The following SOX5 variants were observed in gnomAD, a reference collection of about 807,000 sequenced individuals.
SOX5 encodes the protein transcription factor SOX-5.
In SOX5, 9 loss-of-function variants were observed where a neutral mutation model predicts 92.0. The observed-to-expected ratio is 0.10, with a 90% CI of 0.06 to 0.17. The LOEUF (loss-of-function observed/expected upper bound fraction) is 0.17. Ranked by LOEUF, SOX5 falls within the 10% of genes least tolerant of loss-of-function variation. The pLI, the probability that SOX5 is intolerant of heterozygous loss-of-function variation, is 1.00. For missense variants in SOX5, 642 were observed against 944.5 expected (o/e 0.68, Z 4.20); for synonymous variants, 344 against 336.3 (o/e 1.02, Z -0.25).
intron 4 of SOX5, among the ~76,000 whole-genome samples, chr12:24,063,862 C>T (rs1284697969): frequency 6.6e-6 from 1 of 152,186 alleles, no homozygotes; most frequent in African/African-American, 2.4e-5. Flanking sequence ...CCTCTGTTTT[C>T]ATCTGTAATG....
chr12:24,504,223 T>C (rs1057305455), intron 1 of SOX5, among the ~76,000 whole-genome samples: 1 of 152,180 alleles, frequency 6.6e-6, no homozygotes, highest in African/African-American at 2.4e-5. Flanking sequence ...GTCCTTAAAA[T>C]AGGAATTTAT....
chr12:23,583,443 G>A (rs1223519132), intron 9 of SOX5, among the ~76,000 whole-genome samples: 4 of 152,042 alleles, frequency 2.6e-5, no homozygotes, highest in Admixed American at 1.3e-4. Context: ...AGGAATACTC[G>A]TGTCAACAAT....
At chr12:24,312,345 A>G (rs1423781369) in intron 2 of SOX5, among the ~76,000 whole-genome samples, 1 of 152,242 alleles carries the variant, frequency 6.6e-6, no homozygotes, top group African/African-American at 2.4e-5. Context: ...CAGGTCCTAA[A>G]TAATCCGATT....
rs565594104 is a variant in SOX5 at position 24,252,568 on chromosome 12, C to T, written c.-77+24648G>A. ...CATCTATTTGCATTTAATTTGATGT[C>T]ATGAAAGCTTCGGGCATCTAAAAAT... On this transcript the variant is annotated intron_variant, in intron 3 of 4. Coordinates refer to the SOX5 transcript ENST00000446891. Among the ~76,000 whole-genome samples, 3 of 151,806 alleles carry T rather than the reference C, an allele frequency of 2.0e-5. No homozygotes were observed. The South Asian group carries it at 6.2e-4, about 32-fold the overall frequency.
At chr12:23,619,238 A>C (rs946862321) in intron 8 of SOX5, among the ~76,000 whole-genome samples, 16 of 152,180 alleles carry the variant, frequency 1.1e-4, no homozygotes, top group African/African-American at 3.9e-4. Context: ...TGCTAAATAA[A>C]ACTACATTTC....
At chr12:24,073,347 C>T (rs372121667) in intron 4 of SOX5, among the ~76,000 whole-genome samples, 1 of 152,254 alleles carries the variant, frequency 6.6e-6, no homozygotes, top group African/African-American at 2.4e-5. Flanking sequence ...AACATAAAAA[C>T]CGACACATGC....
At chr12:24,392,595 C>G (rs903453460) in intron 1 of SOX5, among the ~76,000 whole-genome samples, 10 of 152,142 alleles carry the variant, frequency 6.6e-5, no homozygotes, top group South Asian at 2.1e-4. Flanking sequence ...ATCAGTACCC[C>G]CAACCCTACC....
chr12:24,526,089 TC>T (rs1428650640), intron 1 of SOX5, among the ~76,000 whole-genome samples: 1 of 152,078 alleles, frequency 6.6e-6, no homozygotes, highest in African/African-American at 2.4e-5. Flanking sequence ...CAGGCCGGTC[TC>T]ATACTCCTCG....
chr12:24,416,856 CT>C (rs1596434712), intron 1 of SOX5, among the ~76,000 whole-genome samples: 4 of 152,294 alleles, frequency 2.6e-5, no homozygotes, highest in Admixed American at 6.5e-5. Flanking sequence ...CAGGTCTGAT[CT>C]GTCAATTTGA....
chr12:23,560,730 G>A (rs1022743700), intron 11 of SOX5, among the ~76,000 whole-genome samples: 30 of 152,282 alleles, frequency 2.0e-4, no homozygotes, highest in Admixed American at 3.3e-4. Flanking sequence ...AAAGATGTAA[G>A]TGTGACATTA....
chr12:24,180,360 T>C (rs1052661100), intron 4 of SOX5, among the ~76,000 whole-genome samples: 3 of 152,222 alleles, frequency 2.0e-5, no homozygotes, highest in Non-Finnish European at 4.4e-5. Flanking sequence ...TTTCTAGTTA[T>C]CTTGGTAATT....
chr12:24,554,628 A>C (rs546141655), intron 1 of SOX5, among the ~76,000 whole-genome samples: 1 of 152,244 alleles, frequency 6.6e-6, no homozygotes, highest in South Asian at 2.1e-4. Flanking sequence ...CCACCTAAAA[A>C]TCTGGGTCAA....
At chr12:24,282,596 C>A (rs1271588317) in intron 2 of SOX5, among the ~76,000 whole-genome samples, 1 of 151,246 alleles carries the variant, frequency 6.6e-6, no homozygotes, top group Non-Finnish European at 1.5e-5. Flanking sequence ...AAAGCTGATT[C>A]TTTTAAATCA....
At chr12:23,837,315 A>T (rs940801557) in intron 3 of SOX5, among the ~76,000 whole-genome samples, 1 of 98,286 alleles carries the variant, frequency 1.0e-5, no homozygotes, top group South Asian at 3.0e-4. Flanking sequence ...AGATATATTT[A>T]TATTTATATA....
intron 4 of SOX5, among the ~76,000 whole-genome samples, chr12:23,976,615 G>A (rs1232367821): frequency 6.6e-6 from 1 of 152,002 alleles, no homozygotes; most frequent in Non-Finnish European, 1.5e-5. Flanking sequence ...TATTGCTTGC[G>A]ATGTGATGTG....
At chr12:24,305,888 C>T (rs1455614331) in intron 2 of SOX5, among the ~76,000 whole-genome samples, 8 of 152,146 alleles carry the variant, frequency 5.3e-5, no homozygotes, top group Non-Finnish European at 8.8e-5. Context: ...TGAGCCACCG[C>T]GCCCAGCCGA....
At chr12:24,146,273 T>C (rs1031413803) in intron 4 of SOX5, among the ~76,000 whole-genome samples, 4 of 152,108 alleles carry the variant, frequency 2.6e-5, no homozygotes, top group Non-Finnish European at 4.4e-5. Flanking sequence ...ATTCGAATCC[T>C]ACATAGTATG....
rs189247619 is a variant in SOX5 at position 24,476,039 on chromosome 12, A to C, written c.-251+86290T>G. Reference sequence around the variant, plus strand: ...AGCAGAAGAGAAAATTTTACAATCAACTCCTTGGAGGGAAAGCCAGTGCTA... The same window carrying C: ...AGCAGAAGAGAAAATTTTACAATCACCTCCTTGGAGGGAAAGCCAGTGCTA... On this transcript the variant is annotated intron_variant, in intron 1 of 4. Transcript: ENST00000446891. 1.5e-4 allele frequency among the ~76,000 whole-genome samples: 23 copies of C among 151,876 alleles called. 1 individual carries two copies. In the East Asian group the frequency reaches 4.3e-3, roughly 28 times the overall value.
chr12:23,996,661 G>A lies in SOX5; in HGVS notation c.-1-100637C>T, dbSNP rs548598833. Among the ~76,000 whole-genome samples, 5 of 152,292 alleles carry A rather than the reference G, an allele frequency of 3.3e-5. No homozygotes were observed. In the South Asian group the frequency reaches 6.2e-4, roughly 19 times the overall value. ...ATGAATTACTAATACATATTACAAT[G>A]TACATGAGCCTCCAAAGCACTATGC... On this transcript the variant is annotated intron_variant, in intron 4 of 4. Coordinates refer to the SOX5 transcript ENST00000446891.
Sources: allele counts gnomAD v4.1 joint callset (sites outside exome capture counted in the v4.1 genomes callset), GRCh38; gene constraint gnomAD v4.1.1; transcripts MANE v1.5; gene names NCBI Gene and HGNC (gene_info 2026-07-23, HGNC 2026-07-21).